The following BIN2 variants were observed in gnomAD, a reference collection of about 807,000 sequenced individuals.
BIN2 encodes the protein bridging integrator 2, also known as breast cancer associated protein BRAP1.
BIN2 carries 43 observed loss-of-function variants against 67.9 expected under a neutral mutation model. That is an observed-to-expected ratio of 0.63 (90% CI 0.50 to 0.82). BIN2 has a LOEUF of 0.82. BIN2 is among the 40% of genes least tolerant of loss of function. BIN2 has a pLI of 0.00. For missense variants in BIN2, 581 were observed against 671.6 expected (o/e 0.87, Z 1.49); for synonymous variants, 244 against 246.8 (o/e 0.99, Z 0.11).
chr12:51,297,007 A>G, intron 8 of BIN2, 82 bp downstream of exon 8: 1 of 1,309,518 alleles, frequency 7.6e-7, no homozygotes, highest in Non-Finnish European at 1.1e-6. Context: ...ACGGATATTT[A>G]AAGAAATCAT....
chr12:51,310,492 G>GT (rs903491455), intron 2 of BIN2, among the ~76,000 whole-genome samples: 27 of 152,222 alleles, frequency 1.8e-4, no homozygotes, highest in African/African-American at 3.4e-4. Context: ...AATGATTCTG[G>GT]TTTTTTTAAA....
rs1333844348 is a variant in BIN2, at chr12:51,313,016, T to C, written c.162+807A>G. On this transcript the variant is annotated intron_variant, in intron 2 of 12. Transcript: ENST00000615107. ...GGGAGGCCAAGGTGGGTGGATCATC[T>C]GAGGTCAGGAGTTTGAGACCAGCCT... 3.3e-5 allele frequency among the ~76,000 whole-genome samples: 5 copies of C among 152,124 alleles called. No homozygotes were observed. In the East Asian group the frequency reaches 5.8e-4, roughly 18 times the overall value.
chr12:51,313,805 C>T lies in BIN2; in HGVS notation c.162+18G>A. ...TCCTTTCTTCTTCCAAGCTTCCCTC[C>T]CCTACCCTCCAGATTACCTGTTGTT... On this transcript the variant is annotated intron_variant, in intron 2 of 12. Transcript: ENST00000615107. 1.2e-6 allele frequency: 2 copies of T among 1,603,372 alleles called. No homozygotes were observed. Among genetic ancestry groups the T allele is most frequent in the South Asian group, 2.2e-5 (2 of 90,848 alleles).
At chr12:51,305,387 A>C (rs954212896) in intron 2 of BIN2, among the ~76,000 whole-genome samples, 1 of 152,094 alleles carries the variant, frequency 6.6e-6, no homozygotes, top group East Asian at 1.9e-4. Context: ...GCAGTTTGGG[A>C]TGCCAAGGCA....
intron 4 of BIN2, 121 bp downstream of exon 4, chr12:51,302,565 A>G: frequency 2.4e-6 from 2 of 842,832 alleles, no homozygotes; most frequent in Non-Finnish European, 1.9e-6. Flanking sequence ...GAGGCTACAC[A>G]AATGCACAGT....
intron 11 of BIN2, among the ~76,000 whole-genome samples, chr12:51,285,478 A>G (rs887466857): frequency 3.9e-5 from 6 of 152,276 alleles, no homozygotes; most frequent in African/African-American, 1.2e-4. Context: ...TTTAAAAAAA[A>G]GAAAGAAAGC....
rs1592244308 is a variant in BIN2, at chr12:51,282,723, C to G, written c.1669-1195G>C. Among the ~76,000 whole-genome samples the G allele has an allele frequency of 2.0e-5, 3 of 151,984 alleles. No individual in the cohort carries two copies. The East Asian group carries it at 5.8e-4, about 29-fold the overall frequency. On this transcript the variant is annotated intron_variant, in intron 12 of 12. Coordinates refer to ENST00000615107, the MANE Select transcript of BIN2 (RefSeq NM_016293.4). ...TGATTCTCATGTTCTCATGCCACAG[C>G]CTTCCAAGTAGCTGGGATTACGGGT...
chr12:51,292,082 C>T lies in BIN2; in HGVS notation c.1024G>A (p.Gly342Ser), dbSNP rs112923160. 2.7e-5 allele frequency: 44 copies of T among 1,614,156 alleles called. 1 individual carries two copies. In the African/African-American group the frequency reaches 3.6e-4, roughly 13 times the overall value. ...EEDEPLPACN[G>S]PAQAQPSPTT... Reference sequence around the variant, plus strand: ...GGAGAGGGCTGGGCCTGGGCGGGGCCATTGCAGGCTGGTAGAGGCTCATCT... The same window carrying T: ...GGAGAGGGCTGGGCCTGGGCGGGGCTATTGCAGGCTGGTAGAGGCTCATCT... The change falls in exon 10 of 13, where the codon GGC becomes AGC. Residue 342 changes from glycine (G) to serine (S), a missense_variant. Coordinates refer to ENST00000615107, the MANE Select transcript of BIN2 (RefSeq NM_016293.4).
In BIN2 at chr12:51,288,082, A is replaced by G. The variant is rs751402369; in HGVS notation, c.1596+26T>C. 19 of 1,514,680 alleles carry G rather than the reference A, an allele frequency of 1.3e-5. No individual in the cohort carries two copies. In the East Asian group the frequency reaches 4.3e-4, roughly 34 times the overall value. The allele number at this position is 1,514,680 out of a possible 1,614,324, so 93.8% of individuals were successfully genotyped here. A position where few individuals can be genotyped will look rare whatever the true frequency, so the allele number is the denominator to read the frequency against. On this transcript the variant is annotated intron_variant, in intron 11 of 12. Coordinates refer to ENST00000615107, the MANE Select transcript of BIN2 (RefSeq NM_016293.4). ...ATGTACAAAAAAATAGGGCATCATC[A>G]TGTAGATGACTTAGGCTTTTAGTAC...
At chr12:51,307,055 C>T (rs575925692) in intron 2 of BIN2, among the ~76,000 whole-genome samples, 14 of 152,030 alleles carry the variant, frequency 9.2e-5, no homozygotes, top group East Asian at 7.7e-4. Flanking sequence ...GAGGCCGAGG[C>T]GGGCAGATTG....
At chr12:51,323,232 G>A (rs1946333517) in intron 1 of BIN2, 1 of 152,236 alleles carries the variant, frequency 6.6e-6, no homozygotes, top group Non-Finnish European at 1.5e-5. Flanking sequence ...GAGAGCAGAG[G>A]CTCAGGTTAG....
intron 11 of BIN2, 150 bp from the exon 12 acceptor site, chr12:51,284,937 G>A: frequency 4.9e-6 from 3 of 606,354 alleles, no homozygotes; most frequent in East Asian, 2.7e-5. Flanking sequence ...ACCAGAGCCT[G>A]AAGGCATCGG....
chr12:51,324,364 G>A (rs993911553), upstream of BIN2: 11 of 1,301,630 alleles, frequency 8.5e-6, no homozygotes, highest in Non-Finnish European at 1.1e-5. Flanking sequence ...ACCCCTGCCC[G>A]AAACCTCGGC....
At chr12:51,283,319 C>G (rs935556678) in intron 12 of BIN2, among the ~76,000 whole-genome samples, 1 of 147,740 alleles carries the variant, frequency 6.8e-6, no homozygotes, top group Non-Finnish European at 1.5e-5. Flanking sequence ...AACTGTAAAA[C>G]AGCCTCAAGT....
intron 7 of BIN2, 121 bp from the exon 8 acceptor site, chr12:51,297,285 C>G: frequency 3.2e-6 from 3 of 934,856 alleles, no homozygotes; most frequent in Non-Finnish European, 4.9e-6. Context: ...TGAAAGCCAT[C>G]CCGCTGGGCA....
At chr12:51,309,806 C>G (rs894455466) in intron 2 of BIN2, among the ~76,000 whole-genome samples, 1 of 152,222 alleles carries the variant, frequency 6.6e-6, no homozygotes, top group Non-Finnish European at 1.5e-5. Flanking sequence ...TCTTGTTCTT[C>G]CTGATGGCGC....
chr12:51,305,873 G>A (rs1388994495), intron 2 of BIN2, among the ~76,000 whole-genome samples: 7 of 118,696 alleles, frequency 5.9e-5, no homozygotes, highest in South Asian at 2.8e-4. Context: ...TCGCTCTGTC[G>A]CCCAGGCTGG....
chr12:51,321,483 T>A (rs1433105459), intron 1 of BIN2, among the ~76,000 whole-genome samples: 1 of 151,922 alleles, frequency 6.6e-6, no homozygotes, highest in Non-Finnish European at 1.5e-5. Flanking sequence ...CACGGCAACC[T>A]CCGCCTCCCA....
chr12:51,282,956 T>G (rs1264415268), intron 12 of BIN2, among the ~76,000 whole-genome samples: 1 of 151,620 alleles, frequency 6.6e-6, no homozygotes, highest in East Asian at 1.9e-4. Context: ...AAAAAAAAAG[T>G]TCTGCTAATT....
Sources: allele counts gnomAD v4.1 joint callset (sites outside exome capture counted in the v4.1 genomes callset), GRCh38; gene constraint gnomAD v4.1.1; transcripts MANE v1.5; gene names NCBI Gene and HGNC (gene_info 2026-07-23, HGNC 2026-07-21).